The following AOX1 variants were observed in gnomAD, a reference collection of about 807,000 sequenced individuals.
AOX1 encodes the protein aldehyde oxidase 1.
Under a neutral mutation model 169.5 loss-of-function variants are expected in AOX1, and 153 were observed. That is an observed-to-expected ratio of 0.90 (90% CI 0.79 to 1.03). AOX1 has a LOEUF of 1.03. Among genes scored for constraint, AOX1 ranks in the 50% least tolerant of loss-of-function variants. The pLI is 0.00. For missense variants in AOX1, 1,656 were observed against 1,663.9 expected (o/e 1.00, Z 0.08); for synonymous variants, 562 against 581.9 (o/e 0.97, Z 0.49).
chr2:200,670,279 C>T (rs968366709), intron 34 of AOX1, among the ~76,000 whole-genome samples: 3 of 152,194 alleles, frequency 2.0e-5, no homozygotes, highest in African/African-American at 7.2e-5. Flanking sequence ...TTCACAGTTA[C>T]CACCCTGACT....
At chr2:200,638,394 G>C (rs1303972265) in intron 23 of AOX1, 92 bp downstream of exon 23, 7 of 1,053,064 alleles carry the variant, frequency 6.6e-6, no homozygotes, top group Non-Finnish European at 1.0e-5. Flanking sequence ...CTCTAGTGGG[G>C]AGTAACAATG....
At chr2:200,638,081 T>C (rs150842909) in intron 22 of AOX1, 134 bp from the exon 23 acceptor site, 13,821 of 695,404 alleles carry the variant, frequency 0.02, 192 homozygotes, top group South Asian at 0.041. Context: ...CAGCAGAGGA[T>C]AGGCATGCGA....
intron 23 of AOX1, 87 bp from the exon 24 acceptor site, chr2:200,641,011 T>C (rs1307222692): frequency 3.6e-6 from 3 of 845,008 alleles, no homozygotes; most frequent in Admixed American, 3.9e-5. Flanking sequence ...ATGACGCTTT[T>C]CCCCTATGTG....
At chr2:200,630,661 C>T (rs1030503368) in intron 20 of AOX1, among the ~76,000 whole-genome samples, 1 of 151,868 alleles carries the variant, frequency 6.6e-6, no homozygotes, top group African/African-American at 2.4e-5. Context: ...AAAAGAAAAC[C>T]AATTTTCATC....
chr2:200,593,245 T>A, intron 2 of AOX1, 42 bp downstream of exon 2: 1 of 1,450,224 alleles, frequency 6.9e-7, no homozygotes. Context: ...GTGTGTGTAT[T>A]TGTATAACTC....
chr2:200,586,145 G>C lies in AOX1; in HGVS notation c.37G>C (p.Gly13Arg). ...GTCCGAGCTGCTCTTCTACGTGAAC[G>C]GCCGCAAGGTGAGCGCCCGCGGGCT... ...RASELLFYVN[G>R]RKVIEKNVDP... is the part of the protein sequence containing the mutation. Residue 13 changes from glycine (G) to arginine (R), a missense_variant, in exon 1 of 35, where the codon GGC becomes CGC. Gly to Arg is a moderately radical substitution (Grantham distance 125, BLOSUM62 -2). Coordinates refer to ENST00000374700, the MANE Select transcript of AOX1 (RefSeq NM_001159.4). 6 of 1,563,986 alleles carry C rather than the reference G, an allele frequency of 3.8e-6. No individual in the cohort carries two copies. The highest frequency in any genetic ancestry group is 5.2e-6 in the Non-Finnish European group (6 of 1,155,446).
chr2:200,657,385 T>C (rs981322822), intron 27 of AOX1, among the ~76,000 whole-genome samples: 1 of 151,440 alleles, frequency 6.6e-6, no homozygotes, highest in East Asian at 1.9e-4. Flanking sequence ...AAACAAAGGA[T>C]AGGAGATTTG....
chr2:200,651,731 ACT>A (rs1430638474), intron 26 of AOX1, among the ~76,000 whole-genome samples: 1 of 152,138 alleles, frequency 6.6e-6, no homozygotes, highest in Non-Finnish European at 1.5e-5. Flanking sequence ...ACCTTTTAAA[ACT>A]GTGAAAGGGG....
intron 23 of AOX1, among the ~76,000 whole-genome samples, chr2:200,640,630 G>T (rs1224314338): frequency 2.6e-5 from 4 of 152,200 alleles, no homozygotes; most frequent in African/African-American, 9.6e-5. Flanking sequence ...TGAAGAGCTT[G>T]TTTGTGTAAA....
intron 1 of AOX1, among the ~76,000 whole-genome samples, chr2:200,591,769 C>G (rs1527946): frequency 0.16 from 24,072 of 152,106 alleles, 2,227 homozygotes; most frequent in Non-Finnish European, 0.21. Context: ...TTGGGTTTTA[C>G]AGCAGTCACT....
At chr2:200,630,128 C>A (rs1427352150) in intron 20 of AOX1, among the ~76,000 whole-genome samples, 1 of 146,674 alleles carries the variant, frequency 6.8e-6, no homozygotes, top group Non-Finnish European at 1.5e-5. Flanking sequence ...AATCCCAGCA[C>A]TTTGTGAGGC....
chr2:200,632,870 T>C (rs1349597147), intron 20 of AOX1, among the ~76,000 whole-genome samples: 1 of 149,592 alleles, frequency 6.7e-6, no homozygotes, highest in Non-Finnish European at 1.5e-5. Context: ...TCTACTGTCT[T>C]TAAAAGTGCT....
rs1046725193 is a variant in AOX1, at chr2:200,616,029, A to G, written c.1670A>G (p.His557Arg). The change falls in exon 16 of 35, where the codon CAT (histidine) becomes CGT (arginine). Residue 557 changes from histidine to arginine, a missense_variant. By Grantham distance (29) the His-to-Arg change is conservative. Coordinates refer to ENST00000374700, the MANE Select transcript of AOX1 (RefSeq NM_001159.4). ...DKYESALEDL[H>R]SKHHCSTLKY... is the part of the protein sequence containing the mutation. ...TATGAAAGTGCTTTAGAAGATCTTC[A>G]TTCCAAACATCACTGCAGTACATTA... The G allele has an allele frequency of 4.3e-6, 7 of 1,613,798 alleles. No homozygotes were observed. The Admixed American group carries it at 6.7e-5, about 15-fold the overall frequency.
chr2:200,592,497 T>C (rs2034194652), intron 1 of AOX1, among the ~76,000 whole-genome samples: 1 of 152,172 alleles, frequency 6.6e-6, no homozygotes, highest in African/African-American at 2.4e-5. Context: ...TAACCAATCT[T>C]GACATTTTGA....
At chr2:200,586,796 A>C (rs1176379021) in intron 1 of AOX1, among the ~76,000 whole-genome samples, 1 of 152,220 alleles carries the variant, frequency 6.6e-6, no homozygotes, top group Non-Finnish European at 1.5e-5. Flanking sequence ...TCGCCTCAGA[A>C]GCTGGGCTCG....
At position 200,651,185 on chromosome 2, in the gene AOX1, CA is replaced by C; in HGVS notation, c.3060del (p.Arg1021ValfsTer35). 6.2e-7 allele frequency: 1 copy of C among 1,614,146 alleles called. No individual in the cohort carries two copies. The highest frequency in any genetic ancestry group is 8.5e-7 in the Non-Finnish European group (1 of 1,179,996). On this transcript the variant is annotated frameshift_variant, in exon 26 of 35. Coordinates refer to ENST00000374700, the MANE Select transcript of AOX1 (RefSeq NM_001159.4). LOFTEE classifies it high-confidence loss of function. ...VPLKFPVGLG[S>X]RAAGQAAALV... ...CTGAAGTTTCCTGTTGGCCTTGGCT[CA>C]CGTGCTGCTGGTCAGGTGAGTTCTC...
rs772142378 is a variant in AOX1 at position 200,634,925 on chromosome 2, G to A, written c.2346+10G>A. ...TCCCAAATATATACAGGTAACATGGGGCCATTGTGGAGAGGACATGGCTAA... is the reference window on the plus strand; with the variant it reads ...TCCCAAATATATACAGGTAACATGGAGCCATTGTGGAGAGGACATGGCTAA... On this transcript the variant is annotated intron_variant, in intron 21 of 34. Coordinates refer to ENST00000374700, the MANE Select transcript of AOX1 (RefSeq NM_001159.4). The A allele has an allele frequency of 6.2e-7, 1 of 1,613,572 alleles. No homozygotes were observed. The highest frequency in any genetic ancestry group is 1.1e-5 in the South Asian group (1 of 90,972).
intron 3 of AOX1, among the ~76,000 whole-genome samples, chr2:200,596,216 G>C (rs550535843): frequency 6.6e-6 from 1 of 152,352 alleles, no homozygotes. Flanking sequence ...ACTACCTGCT[G>C]TCTGAACTCT....
intron 20 of AOX1, among the ~76,000 whole-genome samples, chr2:200,633,763 T>G (rs1217101751): frequency 2.0e-5 from 3 of 152,236 alleles, no homozygotes; most frequent in Non-Finnish European, 4.4e-5. Flanking sequence ...TGAATGATAT[T>G]TGATTGTATC....
Sources: allele counts gnomAD v4.1 joint callset (sites outside exome capture counted in the v4.1 genomes callset), GRCh38; gene constraint gnomAD v4.1.1; transcripts MANE v1.5; gene names NCBI Gene and HGNC (gene_info 2026-07-23, HGNC 2026-07-21).